PHACTR1: variants seen among roughly 807,000 people sequenced by gnomAD.
The protein encoded by PHACTR1 is phosphatase and actin regulator 1, also known as RPEL repeat containing 1.
Under a neutral mutation model 69.2 loss-of-function variants are expected in PHACTR1, and 16 were observed. The ratio of observed to expected loss-of-function variants is 0.23; its 90% confidence interval spans 0.16 to 0.35. The LOEUF is 0.35. Among genes scored for constraint, PHACTR1 ranks in the 10% least tolerant of loss-of-function variants. The pLI is 1.00. For missense variants in PHACTR1, 510 were observed against 734.7 expected, an observed-to-expected ratio of 0.69 and a Z score of 3.54; for synonymous variants, 312 against 284.5, an observed-to-expected ratio of 1.10 and a Z score of -0.97.
At chr6:13,027,303 A>G (rs1801832885) in intron 4 of PHACTR1, among the ~76,000 whole-genome samples, 2 of 152,328 alleles carry the variant, frequency 1.3e-5, no homozygotes, top group South Asian at 4.1e-4. Flanking sequence ...TGAGAAAATA[A>G]TAATTTTCTG....
intron 4 of PHACTR1, among the ~76,000 whole-genome samples, chr6:13,022,135 T>G (rs764376991): frequency 2.0e-5 from 3 of 152,206 alleles, no homozygotes; most frequent in Non-Finnish European, 4.4e-5. Flanking sequence ...CTTAAAGCAA[T>G]TAATTAAATG....
chr6:12,804,619 C>T (rs1774089660), intron 4 of PHACTR1, among the ~76,000 whole-genome samples: 2 of 152,130 alleles, frequency 1.3e-5, no homozygotes, highest in African/African-American at 4.8e-5. Context: ...CCCAGGAGTT[C>T]GAGATGAGCT....
intron 7 of PHACTR1, among the ~76,000 whole-genome samples, chr6:13,204,346 G>A (rs954004516): frequency 6.6e-6 from 1 of 152,020 alleles, no homozygotes; most frequent in African/African-American, 2.4e-5. Flanking sequence ...TATGGCCTCC[G>A]AGATGGAGAG....
chr6:12,725,481 C>T (rs1341381149), intron 3 of PHACTR1, among the ~76,000 whole-genome samples: 1 of 152,302 alleles, frequency 6.6e-6, no homozygotes, highest in African/African-American at 2.4e-5. Flanking sequence ...GCTGTTCACG[C>T]CTACACTACA....
At position 13,087,172 on chromosome 6, in the gene PHACTR1, A is replaced by G. The variant is rs1812457446; in HGVS notation, c.415+33643A>G. ...ATATATTTTTATATATAACATATGTATAAAATATATGAATATATTTTAGAT... is the reference window on the plus strand; with the variant it reads ...ATATATTTTTATATATAACATATGTGTAAAATATATGAATATATTTTAGAT... On this transcript the variant is annotated intron_variant, in intron 5 of 14. Transcript: ENST00000332995. Among the ~76,000 whole-genome samples, 4 of 146,454 alleles carry G rather than the reference A, an allele frequency of 2.7e-5. No individual in the cohort carries two copies. In the South Asian group the frequency reaches 8.3e-4, roughly 31 times the overall value.
intron 5 of PHACTR1, among the ~76,000 whole-genome samples, chr6:13,104,099 TAAAG>T (rs751398274): frequency 6.6e-6 from 1 of 152,100 alleles, no homozygotes; most frequent in Non-Finnish European, 1.5e-5. Flanking sequence ...AAATAAAAAA[TAAAG>T]AAAATTTTTT....
At chr6:13,164,456 C>T (rs769489581) in intron 6 of PHACTR1, among the ~76,000 whole-genome samples, 6 of 152,148 alleles carry the variant, frequency 3.9e-5, no homozygotes, top group African/African-American at 7.2e-5. Context: ...TTTCCACCAG[C>T]GATGCATGGA....
intron 6 of PHACTR1, among the ~76,000 whole-genome samples, chr6:13,172,074 G>A (rs1422427983): frequency 6.6e-6 from 1 of 152,092 alleles, no homozygotes; most frequent in African/African-American, 2.4e-5. Flanking sequence ...GTCAACTCTA[G>A]CCTTTTCTAA....
At chr6:12,853,096 A>T (rs1779991403) in intron 4 of PHACTR1, among the ~76,000 whole-genome samples, 1 of 152,226 alleles carries the variant, frequency 6.6e-6, no homozygotes, top group African/African-American at 2.4e-5. Context: ...CTAAGTCTCC[A>T]GCACTGCCTA....
At chr6:13,273,011 G>A (rs1053054586) in intron 11 of PHACTR1, 96 bp downstream of exon 11, 26 of 1,521,654 alleles carry the variant, frequency 1.7e-5, no homozygotes, top group Middle Eastern at 1.7e-4. Context: ...GCGCCTCTGC[G>A]GAAAGCATTG....
At chr6:12,785,519 C>T (rs1213305082) in intron 4 of PHACTR1, among the ~76,000 whole-genome samples, 1 of 152,286 alleles carries the variant, frequency 6.6e-6, no homozygotes, top group South Asian at 2.1e-4. Flanking sequence ...ACCTGCCAGG[C>T]CAGTTGCTGA....
intron 4 of PHACTR1, among the ~76,000 whole-genome samples, chr6:12,965,977 G>A (rs972566551): frequency 6.6e-6 from 1 of 152,124 alleles, no homozygotes; most frequent in Non-Finnish European, 1.5e-5. Flanking sequence ...GACATTAAAG[G>A]GCCCGGACAT....
intron 8 of PHACTR1, among the ~76,000 whole-genome samples, chr6:13,208,227 C>T (rs1766227073): frequency 6.6e-6 from 1 of 152,178 alleles, no homozygotes; most frequent in Non-Finnish European, 1.5e-5. Flanking sequence ...AAGGGAGGTT[C>T]ACTAAGTTCC....
At chr6:12,957,275 A>AAG (rs1792009783) in intron 4 of PHACTR1, 1 of 752,324 alleles carries the variant, frequency 1.3e-6, no homozygotes, top group Non-Finnish European at 1.6e-6. Flanking sequence ...AAAAAAAAAA[A>AAG]GCCCAGGCTG....
At chr6:12,990,475 A>C (rs1274135576) in intron 4 of PHACTR1, among the ~76,000 whole-genome samples, 2 of 152,228 alleles carry the variant, frequency 1.3e-5, no homozygotes, top group Non-Finnish European at 2.9e-5. Flanking sequence ...TGCTAGGCTG[A>C]AACCCTCACA....
chr6:13,271,536 G>A (rs1777719966), intron 10 of PHACTR1, among the ~76,000 whole-genome samples: 1 of 152,064 alleles, frequency 6.6e-6, no homozygotes, highest in African/African-American at 2.4e-5. Context: ...GACTCCCTTG[G>A]ATACCAAAAT....
chr6:13,273,657 A>C (rs1186098782), intron 11 of PHACTR1: 2 of 152,236 alleles, frequency 1.3e-5, no homozygotes, highest in African/African-American at 2.4e-5. Context: ...GATGGACAGC[A>C]GTATGCGTCA....
At chr6:12,851,404 TTA>T (rs767220061) in intron 4 of PHACTR1, among the ~76,000 whole-genome samples, 3 of 152,170 alleles carry the variant, frequency 2.0e-5, no homozygotes, top group African/African-American at 4.8e-5. Context: ...TTAGAAAATG[TTA>T]CCACAAAGGA....
chr6:12,965,451 C>CCT (rs60864787), intron 4 of PHACTR1, among the ~76,000 whole-genome samples: 1 of 131,966 alleles, frequency 7.6e-6, no homozygotes, highest in Non-Finnish European at 1.6e-5. Flanking sequence ...TATTTTGTGC[C>CCT]TTTTTTTTTT....
Sources: allele counts gnomAD v4.1 joint callset (sites outside exome capture counted in the v4.1 genomes callset), GRCh38; gene constraint gnomAD v4.1.1; transcripts MANE v1.5; gene names NCBI Gene and HGNC (gene_info 2026-07-23, HGNC 2026-07-21).